SRRM4: variants seen among roughly 807,000 people sequenced by gnomAD.
SRRM4 encodes serine/arginine repetitive matrix protein 4.
A neutral mutation model predicts 68.9 loss-of-function variants in SRRM4; 33 were observed. The observed-to-expected ratio is 0.48, with a 90% CI of 0.36 to 0.64. SRRM4 has a LOEUF of 0.64. Among genes scored for constraint, SRRM4 ranks in the 30% least tolerant of loss-of-function variants. SRRM4 has a pLI of 0.00. For synonymous variants in SRRM4, 318 were observed against 318.8 expected (o/e 1.00, Z 0.03); for missense variants, 817 against 827.1 (o/e 0.99, Z 0.15).
chr12:119,118,794 C>A (rs1954198972), intron 4 of SRRM4, among the ~76,000 whole-genome samples: 1 of 152,162 alleles, frequency 6.6e-6, no homozygotes, highest in Admixed American at 6.6e-5. Context: ...GATTCCTTCT[C>A]ATGAGAAAGA....
chr12:119,046,989 G>A (rs1028605854), intron 1 of SRRM4, among the ~76,000 whole-genome samples: 11 of 143,490 alleles, frequency 7.7e-5, no homozygotes, highest in Admixed American at 5.8e-4. Context: ...CTGAGATCTC[G>A]CCACTGCACT....
chr12:119,161,896 T>G lies in SRRM4; in HGVS notation c.*5098T>G, dbSNP rs914340841. 2 of 151,152 alleles carry G rather than the reference T, an allele frequency of 1.3e-5. No homozygotes were observed. Among genetic ancestry groups the G allele is most frequent in the African/African-American group, 4.9e-5 (2 of 41,106 alleles). The allele number at this position is 151,152 out of a possible 1,614,324, so 9.4% of individuals were successfully genotyped here. A position where few individuals can be genotyped will look rare whatever the true frequency, so the allele number is the denominator to read the frequency against. On this transcript the variant is annotated 3_prime_UTR_variant, in exon 13 of 13. Coordinates refer to ENST00000267260, the MANE Select transcript of SRRM4 (RefSeq NM_194286.4). Reference sequence around the variant, plus strand: ...AGTCACAACTCCTTGAAAAAAAAAATAAAGAAAAATTGTAAACTCTTTTTT... The same window carrying G: ...AGTCACAACTCCTTGAAAAAAAAAAGAAAGAAAAATTGTAAACTCTTTTTT...
intron 1 of SRRM4, among the ~76,000 whole-genome samples, chr12:118,987,039 G>A (rs1263276954): frequency 6.6e-6 from 1 of 152,156 alleles, no homozygotes; most frequent in Admixed American, 6.5e-5. Flanking sequence ...TGAAGTGTGA[G>A]AGAATATTTC....
chr12:119,023,279 TG>T (rs1274520230), intron 1 of SRRM4, among the ~76,000 whole-genome samples: 3 of 152,178 alleles, frequency 2.0e-5, no homozygotes, highest in African/African-American at 7.2e-5. Flanking sequence ...AACTAATCCC[TG>T]GGTCACAAAA....
At chr12:119,049,216 G>A (rs2136015929) in intron 1 of SRRM4, among the ~76,000 whole-genome samples, 1 of 152,270 alleles carries the variant, frequency 6.6e-6, no homozygotes, top group South Asian at 2.1e-4. Context: ...TTTACATCTG[G>A]TGTTTAAGAA....
intron 1 of SRRM4, among the ~76,000 whole-genome samples, chr12:119,017,008 G>A (rs1183220066): frequency 6.6e-6 from 1 of 152,136 alleles, no homozygotes; most frequent in African/African-American, 2.4e-5. Flanking sequence ...TAAATACTAT[G>A]GGGTCTGGAA....
At chr12:119,132,293 C>T (rs1042290521) in intron 8 of SRRM4, 7 of 152,294 alleles carry the variant, frequency 4.6e-5, no homozygotes, top group South Asian at 2.1e-4. Context: ...CCCCTCTCAA[C>T]CTCAGCTTTC....
Position 119,158,532 on chromosome 12 carries a change from G to A in SRRM4, c.*1734G>A, listed in dbSNP as rs972264171. ...GTGAGGGCCCCGGGCAGCAGTGGAC[G>A]ACCCAGCCTCCCCATACCGGGCCTC... On this transcript the variant is annotated 3_prime_UTR_variant, in exon 13 of 13. Coordinates refer to ENST00000267260, the MANE Select transcript of SRRM4 (RefSeq NM_194286.4). 7 of 152,514 alleles carry A rather than the reference G, an allele frequency of 4.6e-5. No homozygotes were observed. Among genetic ancestry groups the A allele is most frequent in the Non-Finnish European group, 1.0e-4 (7 of 68,298 alleles). 9.4% of individuals were successfully genotyped at this position (152,514 alleles called of 1,614,324 possible). A position where few individuals can be genotyped will look rare whatever the true frequency, so the allele number is the denominator to read the frequency against.
rs1218350678 is a variant in SRRM4, at chr12:119,157,100, G to A, written c.*302G>A. On this transcript the variant is annotated 3_prime_UTR_variant, in exon 13 of 13. Transcript: ENST00000267260. The surrounding 1 kb of genome is among the most constrained non-coding windows in gnomAD (Gnocchi z 4.1). Reference sequence around the variant, plus strand: ...CTTCAAGGTTTTGTGAGAAGCAATGGGTCTGTGACTCAAAAATTGAGCCCT... The same window carrying A: ...CTTCAAGGTTTTGTGAGAAGCAATGAGTCTGTGACTCAAAAATTGAGCCCT... 2.7e-6 allele frequency: 1 copy of A among 364,010 alleles called. No homozygotes were observed. Among genetic ancestry groups the A allele is most frequent in the African/African-American group, 2.1e-5 (1 of 47,338 alleles). 22.5% of individuals were successfully genotyped at this position (364,010 alleles called of 1,614,324 possible).
At chr12:118,992,426 C>T (rs1457113554) in intron 1 of SRRM4, 1 of 152,220 alleles carries the variant, frequency 6.6e-6, no homozygotes, top group Non-Finnish European at 1.5e-5. Context: ...CTGTGCCTAG[C>T]AGAGCAGGTG....
rs1954394462 is a variant in SRRM4, at chr12:119,145,364, G to A, written c.772-17G>A. 6.3e-7 allele frequency: 1 copy of A among 1,593,348 alleles called. No individual in the cohort carries two copies. The highest frequency in any genetic ancestry group is 1.3e-5 in the African/African-American group (1 of 74,564). ...GCCCAGCGCTCAGCAGTGTCCAACG[G>A]GTCTTTTTGCTTTCAGATCACTGGG... On this transcript the variant is annotated splice_polypyrimidine_tract_variant and intron_variant, in intron 8 of 12. Coordinates refer to ENST00000267260, the MANE Select transcript of SRRM4 (RefSeq NM_194286.4).
chr12:119,053,137 C>A (rs1034936049), intron 1 of SRRM4, among the ~76,000 whole-genome samples: 1 of 151,946 alleles, frequency 6.6e-6, no homozygotes, highest in Non-Finnish European at 1.5e-5. Context: ...CTTTTTTTAA[C>A]AAAAGAAGGA....
chr12:119,045,935 G>A (rs1953704715), intron 1 of SRRM4, among the ~76,000 whole-genome samples: 1 of 152,102 alleles, frequency 6.6e-6, no homozygotes, highest in Admixed American at 6.5e-5. Flanking sequence ...CTACTCAGGA[G>A]GCTGAGGCAG....
intron 2 of SRRM4, among the ~76,000 whole-genome samples, chr12:119,109,221 G>A (rs1212102117): frequency 6.6e-6 from 1 of 152,132 alleles, no homozygotes; most frequent in Non-Finnish European, 1.5e-5. Context: ...CCCTTTGTGG[G>A]TAACCCGACC....
chr12:119,109,111 G>A (rs553028581), intron 2 of SRRM4, among the ~76,000 whole-genome samples: 2 of 152,218 alleles, frequency 1.3e-5, no homozygotes, highest in African/African-American at 4.8e-5. Context: ...GAAATTCTGG[G>A]TTGAAAATTC....
At chr12:119,015,060 T>G (rs997968654) in intron 1 of SRRM4, among the ~76,000 whole-genome samples, 1 of 152,144 alleles carries the variant, frequency 6.6e-6, no homozygotes, top group African/African-American at 2.4e-5. Context: ...TGGAATGCAA[T>G]GAAGCAGTCA....
Position 119,145,589 on chromosome 12 carries a change from C to T in SRRM4, c.980C>T (p.Thr327Ile). Reference protein sequence around the residue: ...SKSRELNSGNTSDSGNSFTTS... With the variant: ...SKSRELNSGNISDSGNSFTTS... ...AGCCGGGAGCTCAACAGTGGCAACACCTCTGATTCAGGGAACTCCTTCACC... is the reference window on the plus strand; with the variant it reads ...AGCCGGGAGCTCAACAGTGGCAACATCTCTGATTCAGGGAACTCCTTCACC... The change falls in exon 9 of 13, where the codon ACC (threonine) becomes ATC (isoleucine). Residue 327 changes from threonine (T) to isoleucine (I), a missense_variant. Coordinates refer to ENST00000267260, the MANE Select transcript of SRRM4 (RefSeq NM_194286.4). The T allele has an allele frequency of 6.3e-7, 1 of 1,588,994 alleles. No individual in the cohort carries two copies. The highest frequency in any genetic ancestry group is 8.6e-7 in the Non-Finnish European group (1 of 1,167,798).
At chr12:119,139,054 G>A (rs1217334008) in intron 8 of SRRM4, among the ~76,000 whole-genome samples, 1 of 152,142 alleles carries the variant, frequency 6.6e-6, no homozygotes, top group African/African-American at 2.4e-5. Context: ...CATGCACAGA[G>A]AGAAACTCCC....
intron 8 of SRRM4, among the ~76,000 whole-genome samples, chr12:119,136,876 G>C (rs1251061579): frequency 6.6e-6 from 1 of 151,944 alleles, no homozygotes; most frequent in African/African-American, 2.4e-5. Context: ...CCTACCAAAG[G>C]TTCAATGCAG....
Sources: allele counts gnomAD v4.1 joint callset (sites outside exome capture counted in the v4.1 genomes callset), GRCh38; gene constraint gnomAD v4.1.1; non-coding constraint Gnocchi (gnomAD v3.1); transcripts MANE v1.5; gene names NCBI Gene and HGNC (gene_info 2026-07-23, HGNC 2026-07-21).